The following SOX6 variants were observed in gnomAD, a reference collection of about 807,000 sequenced individuals.
SOX6 encodes transcription factor SOX-6.
A neutral mutation model predicts 97.8 loss-of-function variants in SOX6; 11 were observed. The ratio of observed to expected loss-of-function variants is 0.11; its 90% CI spans 0.07 to 0.19. The LOEUF is 0.19. SOX6 is among the 10% of genes least tolerant of loss of function. SOX6 has a pLI of 1.00. For missense variants in SOX6, 810 were observed against 1,039.5 expected (o/e 0.78, Z 3.04); for synonymous variants, 360 against 371.4 (o/e 0.97, Z 0.35).
At chr11:16,495,646 G>A (rs1487151241) in intron 4 of SOX6, among the ~76,000 whole-genome samples, 1 of 152,126 alleles carries the variant, frequency 6.6e-6, no homozygotes, top group Non-Finnish European at 1.5e-5. Context: ...TGAGCCAAAA[G>A]GTTGTTCCCC....
chr11:16,240,368 G>T (rs1853153576), intron 3 of SOX6, among the ~76,000 whole-genome samples: 1 of 147,492 alleles, frequency 6.8e-6, no homozygotes, highest in Non-Finnish European at 1.5e-5. Context: ...CAAGATTTTG[G>T]AATGCTCATA....
At chr11:16,724,141 G>T (rs963689479) in intron 2 of SOX6, among the ~76,000 whole-genome samples, 1 of 152,112 alleles carries the variant, frequency 6.6e-6, no homozygotes, top group Non-Finnish European at 1.5e-5. Flanking sequence ...CTGTTGTCTT[G>T]AAAGAGGATA....
intron 2 of SOX6, among the ~76,000 whole-genome samples, chr11:16,325,538 A>T (rs1248494559): frequency 6.6e-6 from 1 of 152,172 alleles, no homozygotes; most frequent in African/African-American, 2.4e-5. Flanking sequence ...TAGTAATTTA[A>T]AAGAATAGAT....
At chr11:16,416,664 T>C (rs1277700500) in intron 1 of SOX6, among the ~76,000 whole-genome samples, 1 of 152,208 alleles carries the variant, frequency 6.6e-6, no homozygotes, top group Non-Finnish European at 1.5e-5. Context: ...AACTTTATAT[T>C]CTTCTCTTCT....
At chr11:16,428,020 T>C (rs1202896377) in intron 1 of SOX6, among the ~76,000 whole-genome samples, 4 of 152,246 alleles carry the variant, frequency 2.6e-5, no homozygotes, top group Non-Finnish European at 5.9e-5. Context: ...ATGCTCACCA[T>C]TCTAACTGGT....
intron 4 of SOX6, among the ~76,000 whole-genome samples, chr11:16,593,700 A>G (rs1848179348): frequency 6.6e-6 from 1 of 152,194 alleles, no homozygotes; most frequent in South Asian, 2.1e-4. Flanking sequence ...CAAACAAGGT[A>G]CTAAGTGTGT....
At chr11:16,612,600 G>C (rs1027130882) in intron 3 of SOX6, among the ~76,000 whole-genome samples, 1 of 151,884 alleles carries the variant, frequency 6.6e-6, no homozygotes, top group African/African-American at 2.4e-5. Flanking sequence ...TTGGGAGTGG[G>C]GGGATGGCGA....
chr11:16,073,401 A>G (rs1848270073), intron 9 of SOX6, among the ~76,000 whole-genome samples: 1 of 152,250 alleles, frequency 6.6e-6, no homozygotes, highest in Non-Finnish European at 1.5e-5. Context: ...AGACCTAACT[A>G]TCCTAAATAT....
At chr11:16,136,313 T>G (rs1486028274) in intron 6 of SOX6, among the ~76,000 whole-genome samples, 1 of 151,182 alleles carries the variant, frequency 6.6e-6, no homozygotes, top group African/African-American at 2.4e-5. Context: ...ATAGTATTTT[T>G]GGATTAAGGT....
At chr11:16,093,453 C>A (rs1338505967) in intron 9 of SOX6, among the ~76,000 whole-genome samples, 1 of 151,914 alleles carries the variant, frequency 6.6e-6, no homozygotes, top group Admixed American at 6.6e-5. Context: ...CTTTTCTCTA[C>A]TTGATAAAAT....
At chr11:16,135,990 A>C (rs117697341) in intron 6 of SOX6, among the ~76,000 whole-genome samples, 4,821 of 152,246 alleles carry the variant, frequency 0.032, 116 homozygotes, top group Non-Finnish European at 0.051. Flanking sequence ...ACCAGTAAAA[A>C]AGATTATGAC....
At chr11:16,145,408 A>G (rs1484112970) in intron 6 of SOX6, among the ~76,000 whole-genome samples, 1 of 152,244 alleles carries the variant, frequency 6.6e-6, no homozygotes, top group African/African-American at 2.4e-5. Flanking sequence ...TGAATGGGCA[A>G]AAACTGGAAG....
chr11:16,655,716 T>C (rs1847710990), intron 3 of SOX6, among the ~76,000 whole-genome samples: 1 of 152,240 alleles, frequency 6.6e-6, no homozygotes, highest in Non-Finnish European at 1.5e-5. Context: ...CTTTCTTACA[T>C]GCCCCTTCAC....
chr11:16,663,076 A>T (rs1327416389), intron 3 of SOX6, among the ~76,000 whole-genome samples: 1 of 152,136 alleles, frequency 6.6e-6, no homozygotes, highest in African/African-American at 2.4e-5. Flanking sequence ...CAAACCAAAA[A>T]TAGAAGGAAA....
intron 4 of SOX6, among the ~76,000 whole-genome samples, chr11:16,201,869 G>A (rs921655258): frequency 1.5e-5 from 2 of 135,250 alleles, no homozygotes; most frequent in Non-Finnish European, 3.0e-5. Context: ...TCCTGACCTC[G>A]TGATCCGCCC....
chr11:16,073,144 A>G (rs1208900098), intron 9 of SOX6, among the ~76,000 whole-genome samples: 1 of 152,186 alleles, frequency 6.6e-6, no homozygotes, highest in Non-Finnish European at 1.5e-5. Flanking sequence ...AAAAGGCATG[A>G]AGTGGCACAT....
In SOX6 at chr11:16,356,518, G is replaced by A. The variant is rs1481950871; in HGVS notation, c.-429C>T. Among the ~76,000 whole-genome samples, 1 of 152,042 alleles carries A rather than the reference G, an allele frequency of 6.6e-6. No individual in the cohort carries two copies. Among genetic ancestry groups the A allele is most frequent in the African/African-American group, 2.4e-5 (1 of 41,418 alleles). On this transcript the variant is annotated 5_prime_UTR_variant, in exon 1 of 16. Coordinates refer to ENST00000683767, the MANE Select transcript of SOX6 (RefSeq NM_001367873.1). ...TTGCTGAGCAACAGTGGAGCTTTGT[G>A]GTTTGCCTCACAGTTGACAGTAAGT... is the stretch of plus-strand genomic sequence containing the variant.
chr11:16,139,882 G>C (rs2134037052), intron 6 of SOX6, among the ~76,000 whole-genome samples: 1 of 149,722 alleles, frequency 6.7e-6, no homozygotes, highest in South Asian at 2.1e-4. Flanking sequence ...ATACCACAGA[G>C]TTTATTCTTA....
intron 3 of SOX6, among the ~76,000 whole-genome samples, chr11:16,306,132 C>A (rs891142310): frequency 1.8e-4 from 27 of 152,088 alleles, no homozygotes; most frequent in African/African-American, 6.5e-4. Flanking sequence ...AATGGAGAGA[C>A]AAGAGGAACA....
Sources: gnomAD v4.1 joint callset for allele counts (sites outside exome capture counted in the v4.1 genomes callset) on GRCh38, gnomAD v4.1.1 for gene constraint, MANE v1.5 for transcripts, NCBI Gene and HGNC (gene_info 2026-07-23, HGNC 2026-07-21) for gene names.